REV3L: variants seen among roughly 807,000 people sequenced by gnomAD.
REV3L encodes the protein DNA polymerase zeta catalytic subunit.
REV3L carries 69 observed loss-of-function variants against 299.4 expected under a neutral mutation model. The ratio of observed to expected loss-of-function variants is 0.23; its 90% CI spans 0.19 to 0.28. The LOEUF (loss-of-function observed/expected upper bound fraction) is 0.28, where lower values mean the gene tolerates loss of function less well. REV3L is among the 10% of genes least tolerant of loss of function. The probability of loss-of-function intolerance (pLI) is 1.00; values close to 1 mark genes in which losing one functional copy is unlikely to be tolerated. For synonymous variants in REV3L, 1,238 were observed against 1,271.4 expected (o/e 0.97, Z 0.56); for missense variants, 3,128 against 3,693.8 (o/e 0.85, Z 3.97).
At chr6:111,440,917 C>T (rs1167219999) in intron 1 of REV3L, among the ~76,000 whole-genome samples, 2 of 152,202 alleles carry the variant, frequency 1.3e-5, no homozygotes, top group African/African-American at 2.4e-5. Context: ...ACACTTCACT[C>T]CTCTCGCTTC....
At chr6:111,369,025 C>T (rs1779508699) in intron 13 of REV3L, among the ~76,000 whole-genome samples, 2 of 152,004 alleles carry the variant, frequency 1.3e-5, no homozygotes, top group African/African-American at 4.8e-5. Context: ...CAGCACTGTC[C>T]CTGCATCCAC....
chr6:111,374,774 C>T lies in REV3L; in HGVS notation c.3581G>A (p.Arg1194Gln), dbSNP rs775715264. ...ATCTACTAGTTTATTTGTCTGATTT[C>T]GTTTGTTCCTTTTCTTAGTAACTAT... ...PSIVTKKRNKRNQTNKLVDDG... is the reference protein window; with the variant it reads ...PSIVTKKRNKQNQTNKLVDDG... The change falls in exon 13 of 32, where the codon CGA (arginine) becomes CAA (glutamine). Residue 1194 changes from arginine (R) to glutamine (Q), a missense_variant. By Grantham distance (43) the Arg-to-Gln change is conservative. Coordinates refer to ENST00000368802, the MANE Select transcript of REV3L (RefSeq NM_001372078.1). 61 of 1,611,726 alleles carry T rather than the reference C, an allele frequency of 3.8e-5. No individual in the cohort carries two copies. Among genetic ancestry groups the T allele is most frequent in the Admixed American group, 5.0e-5 (3 of 59,564 alleles).
At chr6:111,368,420 T>C (rs1779443012) in intron 13 of REV3L, among the ~76,000 whole-genome samples, 1 of 152,236 alleles carries the variant, frequency 6.6e-6, no homozygotes, top group Non-Finnish European at 1.5e-5. Flanking sequence ...ATTCAAATAC[T>C]ATGTCCCTGG....
chr6:111,392,949 A>G lies in REV3L; in HGVS notation c.589T>C (p.Ser197Pro). 1 of 1,609,646 alleles carries G rather than the reference A, an allele frequency of 6.2e-7. No homozygotes were observed. The highest frequency in any genetic ancestry group is 8.5e-7 in the Non-Finnish European group (1 of 1,176,086). The change falls in exon 5 of 32, where the codon TCC becomes CCC. Residue 197 changes from serine to proline, a missense_variant. This residue lies in a region of REV3L where 2,409 missense variants were observed against 2,611.8 expected (regional missense o/e 0.92). Coordinates refer to ENST00000368802, the MANE Select transcript of REV3L (RefSeq NM_001372078.1). The stretch of plus-strand genomic sequence containing the variant: ...TTTCCTGATAAATGATTCTTGCAGG[A>G]TCCAGTTGCATGCAATGTATTACCT... ...RKSNTLHATG[S>P]CKNHLSGNSL... is the part of the protein sequence containing the mutation.
chr6:111,457,011 A>G (rs1210295579), intron 1 of REV3L, among the ~76,000 whole-genome samples: 3 of 152,104 alleles, frequency 2.0e-5, no homozygotes, highest in African/African-American at 4.8e-5. Flanking sequence ...ATTACCTTTT[A>G]GCGGTCTTAA....
intron 1 of REV3L, among the ~76,000 whole-genome samples, chr6:111,472,388 G>T (rs1583124162): frequency 1.3e-5 from 2 of 151,828 alleles, no homozygotes; most frequent in African/African-American, 4.8e-5. Context: ...AAGAAAAATA[G>T]TATTCTTGTG....
chr6:111,413,852 T>C (rs1784502004), intron 2 of REV3L, among the ~76,000 whole-genome samples: 1 of 152,096 alleles, frequency 6.6e-6, no homozygotes, highest in Non-Finnish European at 1.5e-5. Context: ...GACTATGTAT[T>C]TCACTGGGCT....
chr6:111,470,505 A>G (rs911432206), intron 1 of REV3L, among the ~76,000 whole-genome samples: 8 of 152,366 alleles, frequency 5.3e-5, no homozygotes, highest in South Asian at 2.1e-4. Flanking sequence ...TACATCGCTT[A>G]TAACAGGGCA....
intron 25 of REV3L, among the ~76,000 whole-genome samples, chr6:111,326,531 G>A (rs1231988071): frequency 1.3e-5 from 2 of 151,234 alleles, no homozygotes; most frequent in Non-Finnish European, 2.9e-5. Context: ...CCACTATGTA[G>A]AACAATATAG....
intron 9 of REV3L, 66 bp downstream of exon 9, chr6:111,387,699 A>ATAT: frequency 1.4e-6 from 2 of 1,453,596 alleles, no homozygotes; most frequent in Non-Finnish European, 1.9e-6. Context: ...ACTCAATCAA[A>ATAT]TATTAACATC....
intron 31 of REV3L, among the ~76,000 whole-genome samples, chr6:111,306,413 G>C (rs1232770448): frequency 6.6e-6 from 1 of 152,134 alleles, no homozygotes; most frequent in Non-Finnish European, 1.5e-5. Context: ...AGGGATAGCA[G>C]GTAGGGACAG....
intron 3 of REV3L, 108 bp downstream of exon 3, chr6:111,411,372 T>C: frequency 1.4e-6 from 1 of 716,190 alleles, no homozygotes; most frequent in Non-Finnish European, 2.4e-6. Context: ...TTACGGTCTC[T>C]GTCTTTAATA....
chr6:111,464,703 T>G (rs1006828351), intron 1 of REV3L, among the ~76,000 whole-genome samples: 3 of 152,142 alleles, frequency 2.0e-5, no homozygotes, highest in African/African-American at 7.2e-5. Context: ...ATCTATGTTT[T>G]CCAAAAAGGA....
At chr6:111,421,998 G>A (rs1785416636) in intron 1 of REV3L, among the ~76,000 whole-genome samples, 2 of 152,076 alleles carry the variant, frequency 1.3e-5, no homozygotes, top group Non-Finnish European at 2.9e-5. Context: ...CACAGAAAGT[G>A]TTAAATTATC....
rs180783510 is a variant in REV3L at position 111,416,452 on chromosome 6, G to C, written c.160C>G (p.Leu54Val). The change falls in exon 2 of 32, where the codon CTA becomes GTA. Residue 54 changes from leucine to valine, a missense_variant. By Grantham distance (32) the Leu-to-Val change is conservative (BLOSUM62 1). Transcript: ENST00000368802. ...TAGAGGTAAGGAAAGATGCCATGTA[G>C]ATGAAGACATGTCTTCTGACCTAAA... ...TPAGQKTCLH[L>V]HGIFPYLYVP... The C allele has an allele frequency of 6.8e-6, 11 of 1,612,892 alleles. No individual in the cohort carries two copies. In the East Asian group the frequency reaches 2.5e-4, roughly 36 times the overall value.
At chr6:111,381,630 T>G (rs893927100) in intron 9 of REV3L, among the ~76,000 whole-genome samples, 186 bp from the exon 10 acceptor site, 15 of 152,236 alleles carry the variant, frequency 9.9e-5, no homozygotes, top group African/African-American at 3.6e-4. Context: ...CACATGGATT[T>G]ATCAAAACAA....
chr6:111,367,752 G>A lies in REV3L; in HGVS notation c.6036C>T (p.Ala2012=), dbSNP rs1410242358. 6.2e-7 allele frequency: 1 copy of A among 1,614,154 alleles called. No individual in the cohort carries two copies. Among genetic ancestry groups the A allele is most frequent in the Non-Finnish European group, 8.5e-7 (1 of 1,180,028 alleles). Reference sequence around the variant, plus strand: ...TCTTGGAACGTTCGTATTCTTCTTTGGCTTGAAGCCACACTTGAACCAGTT... The same window carrying A: ...TCTTGGAACGTTCGTATTCTTCTTTAGCTTGAAGCCACACTTGAACCAGTT... ...SRQLVQVWLQ[A]KEEYERSKKL... is the part of the protein sequence containing the mutation. Residue 2012 remains alanine (A), a synonymous_variant, in exon 14 of 32, where the codon GCC becomes GCT. Coordinates refer to ENST00000368802, the MANE Select transcript of REV3L (RefSeq NM_001372078.1).
intron 4 of REV3L, among the ~76,000 whole-genome samples, 188 bp from the exon 5 acceptor site, chr6:111,393,160 C>T (rs1380269532): frequency 2.6e-5 from 4 of 151,868 alleles, no homozygotes; most frequent in Admixed American, 2.6e-4. Context: ...GCCACAGTCT[C>T]CCGAGTAGCC....
At chr6:111,307,972 T>C in intron 30 of REV3L, 1 of 310,824 alleles carries the variant, frequency 3.2e-6, no homozygotes, top group South Asian at 2.6e-5. Flanking sequence ...TGTGTGATGT[T>C]CCCCGCCCTG....
Sources: allele counts gnomAD v4.1 joint callset (sites outside exome capture counted in the v4.1 genomes callset), GRCh38; gene constraint gnomAD v4.1.1; regional missense constraint gnomAD v4.1.1; transcripts MANE v1.5; gene names NCBI Gene and HGNC (gene_info 2026-07-23, HGNC 2026-07-21).